Variants in FCHSD2 observed in about 807,000 individuals in gnomAD.
FCHSD2 encodes FCH and double SH3 domains 2.
A neutral mutation model predicts 108.1 loss-of-function variants in FCHSD2; 38 were observed. The observed-to-expected ratio is 0.35, with a 90% CI of 0.27 to 0.46. The LOEUF (loss-of-function observed/expected upper bound fraction) is 0.46. Ranked by LOEUF, FCHSD2 falls within the 20% of genes least tolerant of loss-of-function variation. The pLI is 1.00. For missense variants in FCHSD2, 751 were observed against 897.8 expected, an observed-to-expected ratio of 0.84 and a Z score of 2.09; for synonymous variants, 279 against 314.7, an observed-to-expected ratio of 0.89 and a Z score of 1.20.
chr11:73,005,799 C>T (rs1044157645), intron 4 of FCHSD2, among the ~76,000 whole-genome samples: 1 of 151,776 alleles, frequency 6.6e-6, no homozygotes, highest in East Asian at 1.9e-4. Context: ...AGCCACTGCA[C>T]CAGGCCTACA....
intron 10 of FCHSD2, among the ~76,000 whole-genome samples, chr11:72,892,943 G>A (rs144987798): frequency 8.8e-4 from 133 of 151,574 alleles, no homozygotes; most frequent in African/African-American, 3.0e-3. Flanking sequence ...AGCAGTGGTC[G>A]ATTCTAACAA....
chr11:72,948,947 G>A (rs1169312528), intron 8 of FCHSD2, among the ~76,000 whole-genome samples: 1 of 152,070 alleles, frequency 6.6e-6, no homozygotes, highest in African/African-American at 2.4e-5. Flanking sequence ...TTACAGGCAT[G>A]AGCCACAGCA....
At chr11:73,082,771 C>T (rs946224937) in intron 3 of FCHSD2, among the ~76,000 whole-genome samples, 1 of 152,096 alleles carries the variant, frequency 6.6e-6, no homozygotes, top group Non-Finnish European at 1.5e-5. Context: ...AAGGAAATAA[C>T]AATTTTAGAA....
chr11:72,844,496 A>G (rs1276865567), intron 14 of FCHSD2, among the ~76,000 whole-genome samples: 1 of 152,192 alleles, frequency 6.6e-6, no homozygotes, highest in Non-Finnish European at 1.5e-5. Flanking sequence ...CCCTGACAGC[A>G]GCAATCCACC....
chr11:73,127,495 G>C (rs77217967), intron 2 of FCHSD2, among the ~76,000 whole-genome samples: 1 of 152,130 alleles, frequency 6.6e-6, no homozygotes, highest in Non-Finnish European at 1.5e-5. Flanking sequence ...CCAAGAACAC[G>C]AGCCAGACTT....
chr11:72,962,611 T>A (rs992268533), intron 8 of FCHSD2, among the ~76,000 whole-genome samples: 19 of 151,586 alleles, frequency 1.3e-4, no homozygotes, highest in African/African-American at 4.6e-4. Flanking sequence ...CTTTTTTTTT[T>A]AAACTAAGAA....
At chr11:73,101,914 G>A (rs1221346979) in intron 2 of FCHSD2, among the ~76,000 whole-genome samples, 1 of 152,184 alleles carries the variant, frequency 6.6e-6, no homozygotes, top group Non-Finnish European at 1.5e-5. Context: ...TATGAAAACA[G>A]ATTTGCTTTC....
intron 10 of FCHSD2, among the ~76,000 whole-genome samples, chr11:72,899,939 G>A (rs748305830): frequency 3.3e-5 from 5 of 151,886 alleles, no homozygotes; most frequent in Non-Finnish European, 7.4e-5. Flanking sequence ...TTAATTTACC[G>A]TATGACTCTG....
At chr11:72,941,122 A>G (rs1171306321) in intron 8 of FCHSD2, 1 of 494,360 alleles carries the variant, frequency 2.0e-6, no homozygotes, top group Non-Finnish European at 3.7e-6. Context: ...ATATAAGTAA[A>G]GTTTGTAAAA....
At chr11:72,866,552 G>A (rs2135201266) in intron 13 of FCHSD2, among the ~76,000 whole-genome samples, 1 of 152,318 alleles carries the variant, frequency 6.6e-6, no homozygotes, top group African/African-American at 2.4e-5. Context: ...TTACAGGTGT[G>A]AATCACCATG....
intron 5 of FCHSD2, among the ~76,000 whole-genome samples, chr11:72,999,866 GACAC>G (rs138484535): frequency 5.2e-4 from 78 of 150,408 alleles, no homozygotes; most frequent in Non-Finnish European, 8.9e-4. Context: ...TGCACAATCA[GACAC>G]ACACACACAC....
intron 3 of FCHSD2, among the ~76,000 whole-genome samples, chr11:73,042,445 GT>G (rs543785302): frequency 8.3e-4 from 126 of 152,290 alleles, no homozygotes; most frequent in African/African-American, 2.9e-3. Flanking sequence ...ATACCATGCT[GT>G]TTTGGTTACA....
chr11:72,982,073 T>G (rs969706749), intron 8 of FCHSD2, among the ~76,000 whole-genome samples: 1 of 152,228 alleles, frequency 6.6e-6, no homozygotes, highest in Non-Finnish European at 1.5e-5. Flanking sequence ...ACAAAACAGT[T>G]CCTTGTCTCT....
At chr11:73,104,285 G>C (rs141531486) in intron 2 of FCHSD2, among the ~76,000 whole-genome samples, 23 of 152,342 alleles carry the variant, frequency 1.5e-4, no homozygotes, top group African/African-American at 5.1e-4. Context: ...TTTATTTATG[G>C]AGACAGAGTC....
At chr11:73,063,032 C>T (rs1249647566) in intron 3 of FCHSD2, among the ~76,000 whole-genome samples, 1 of 152,064 alleles carries the variant, frequency 6.6e-6, no homozygotes, top group Non-Finnish European at 1.5e-5. Context: ...TAAGGGTAGC[C>T]AGAGAGAAAG....
chr11:72,994,424 G>A (rs1028387009), intron 5 of FCHSD2, among the ~76,000 whole-genome samples: 8 of 152,142 alleles, frequency 5.3e-5, no homozygotes, highest in Non-Finnish European at 8.8e-5. Flanking sequence ...AGTAGTAGTA[G>A]CAGTGATCCC....
chr11:73,090,696 C>T (rs1054607421), intron 2 of FCHSD2, among the ~76,000 whole-genome samples: 1 of 152,110 alleles, frequency 6.6e-6, no homozygotes, highest in East Asian at 1.9e-4. Flanking sequence ...GAAGAAAGAC[C>T]TTTTACTACA....
At chr11:72,990,912 G>A (rs898891847) in intron 5 of FCHSD2, among the ~76,000 whole-genome samples, 4 of 152,078 alleles carry the variant, frequency 2.6e-5, no homozygotes, top group Non-Finnish European at 4.4e-5. Flanking sequence ...AAAAATCAAT[G>A]AATCCAGGAG....
intron 5 of FCHSD2, among the ~76,000 whole-genome samples, chr11:72,989,678 A>G (rs1236200902): frequency 2.0e-5 from 3 of 152,142 alleles, no homozygotes; most frequent in Admixed American, 2.0e-4. Context: ...ATTCGAGGAG[A>G]AGGGATGGAC....
Sources: allele counts gnomAD v4.1 joint callset (sites outside exome capture counted in the v4.1 genomes callset), GRCh38; gene constraint gnomAD v4.1.1; transcripts MANE v1.5; gene names NCBI Gene and HGNC (gene_info 2026-07-23, HGNC 2026-07-21).